Variants in CCNL1 observed in about 807,000 individuals in gnomAD.
CCNL1 encodes the protein cyclin L1.
A neutral mutation model predicts 60.6 loss-of-function variants in CCNL1; 13 were observed. The ratio of observed to expected loss-of-function variants is 0.21; its 90% confidence interval spans 0.14 to 0.34. The LOEUF (loss-of-function observed/expected upper bound fraction) is 0.34. Among genes scored for constraint, CCNL1 ranks in the 10% least tolerant of loss-of-function variants. CCNL1 has a pLI of 1.00. For synonymous variants in CCNL1, 270 were observed against 244.3 expected (o/e 1.10, Z -0.98); for missense variants, 481 against 664.3 (o/e 0.72, Z 3.03).
chr3:157,156,947 C>T (rs1017688721), intron 3 of CCNL1: 5 of 1,289,784 alleles, frequency 3.9e-6, no homozygotes, highest in Non-Finnish European at 5.1e-6. Flanking sequence ...TGTTAGTCCC[C>T]GATTCCAGTG....
chr3:157,156,689 T>C (rs1051154936), intron 3 of CCNL1, among the ~76,000 whole-genome samples: 3 of 152,170 alleles, frequency 2.0e-5, no homozygotes, highest in African/African-American at 7.2e-5. Context: ...GAATAATGTA[T>C]CTCCACTGTA....
chr3:157,144,379 A>G (rs1737724277), downstream of CCNL1, among the ~76,000 whole-genome samples: 1 of 152,248 alleles, frequency 6.6e-6, no homozygotes, highest in Admixed American at 6.5e-5. Context: ...GTAAAAATAA[A>G]TCCTATTTGC....
downstream of CCNL1, among the ~76,000 whole-genome samples, chr3:157,145,684 C>T (rs1438500408): frequency 6.6e-6 from 1 of 152,070 alleles, no homozygotes; most frequent in Non-Finnish European, 1.5e-5. Flanking sequence ...GTTTTCAGTT[C>T]TAAAATAACA....
At chr3:157,158,757 G>A in intron 3 of CCNL1, 109 bp downstream of exon 3, 1 of 661,272 alleles carries the variant, frequency 1.5e-6, no homozygotes, top group East Asian at 2.8e-5. Context: ...ATTAAAGTCC[G>A]TTTTCTTTTG....
chr3:157,151,029 C>T (rs767558746), intron 5 of CCNL1: 4 of 985,186 alleles, frequency 4.1e-6, no homozygotes, highest in Non-Finnish European at 4.8e-6. Context: ...GAACCCTCCC[C>T]ACAACATTCC....
chr3:157,158,813 G>C (rs1227171086), intron 3 of CCNL1, 53 bp downstream of exon 3: 1 of 1,131,776 alleles, frequency 8.8e-7, no homozygotes, highest in Non-Finnish European at 1.3e-6. Flanking sequence ...TTGATGACTG[G>C]TGCACGGTAC....
chr3:157,157,517 C>G (rs960650003), intron 3 of CCNL1, among the ~76,000 whole-genome samples: 1 of 152,148 alleles, frequency 6.6e-6, no homozygotes, highest in Non-Finnish European at 1.5e-5. Flanking sequence ...AAAGATAGAG[C>G]CTTGTATTAG....
intron 5 of CCNL1, chr3:157,151,228 A>C: frequency 1.0e-6 from 1 of 985,490 alleles, no homozygotes; most frequent in Non-Finnish European, 1.2e-6. Context: ...AGTCCAAAAG[A>C]AGCATGGCAG....
chr3:157,151,932 T>C, intron 5 of CCNL1: 1 of 1,292,482 alleles, frequency 7.7e-7, no homozygotes, highest in Non-Finnish European at 9.9e-7. Context: ...TGGACTACCC[T>C]TTAATTAAAG....
intron 4 of CCNL1, 74 bp downstream of exon 4, chr3:157,152,962 T>C: frequency 6.3e-7 from 1 of 1,575,376 alleles, no homozygotes; most frequent in Non-Finnish European, 8.6e-7. Flanking sequence ...GATAGAAACA[T>C]AAATTCATAT....
chr3:157,150,222 G>A, intron 6 of CCNL1, 53 bp from the exon 7 acceptor site: 1 of 1,608,842 alleles, frequency 6.2e-7, no homozygotes, highest in African/African-American at 1.3e-5. Flanking sequence ...AATCTGTATT[G>A]GAACCACCGA....
chr3:157,156,771 G>A (rs1296790322), intron 3 of CCNL1, among the ~76,000 whole-genome samples: 1 of 152,218 alleles, frequency 6.6e-6, no homozygotes, highest in Non-Finnish European at 1.5e-5. Flanking sequence ...ATTAAGACAA[G>A]TGATATGCTT....
chr3:157,150,022 T>TG (rs1738054853), intron 7 of CCNL1, 43 bp downstream of exon 7: 3 of 1,610,306 alleles, frequency 1.9e-6, no homozygotes, highest in Non-Finnish European at 2.5e-6. Flanking sequence ...TAGAGTAGCT[T>TG]GGACTCTTAG....
chr3:157,151,202 T>G, intron 5 of CCNL1: 1 of 985,294 alleles, frequency 1.0e-6, no homozygotes, highest in Non-Finnish European at 1.2e-6. Flanking sequence ...TTTTCTAACA[T>G]TACAAATATT....
chr3:157,143,608 ATAAAG>A (rs1737704741), downstream of CCNL1, among the ~76,000 whole-genome samples: 1 of 152,248 alleles, frequency 6.6e-6, no homozygotes, highest in African/African-American at 2.4e-5. Flanking sequence ...AGATTAAATG[ATAAAG>A]TAAATTTCAG....
chr3:157,148,117 G>T lies in CCNL1; in HGVS notation c.*124C>A. 1 of 1,450,832 alleles carries T rather than the reference G, an allele frequency of 6.9e-7. No homozygotes were observed. The allele number at this position is 1,450,832 out of a possible 1,614,324, so 89.9% of individuals were successfully genotyped here. On this transcript the variant is annotated 3_prime_UTR_variant, in exon 11 of 11. Coordinates refer to ENST00000295926, the MANE Select transcript of CCNL1 (RefSeq NM_020307.4). Reference sequence around the variant, plus strand: ...AAGAAACTGTCCTCAGTGTTCTAGAGACCTAGAGGGTTTCAAGAAATCAAA... The same window carrying T: ...AAGAAACTGTCCTCAGTGTTCTAGATACCTAGAGGGTTTCAAGAAATCAAA...
At chr3:157,157,001 C>T (rs1245295662) in intron 3 of CCNL1, 2 of 1,289,724 alleles carry the variant, frequency 1.6e-6, no homozygotes, top group East Asian at 5.5e-5. Flanking sequence ...ATTTTCGATA[C>T]TTCACTCACT....
chr3:157,149,040 T>C (rs773156859), intron 10 of CCNL1: 2 of 484,706 alleles, frequency 4.1e-6, no homozygotes, highest in Non-Finnish European at 7.3e-6. Flanking sequence ...AACAATACTA[T>C]GGCCCTCAAG....
chr3:157,143,521 AT>A (rs1328167979), downstream of CCNL1, among the ~76,000 whole-genome samples: 1 of 152,250 alleles, frequency 6.6e-6, no homozygotes, highest in Non-Finnish European at 1.5e-5. Context: ...CACTCATAGG[AT>A]TAGGTGAGGG....
Sources: allele counts gnomAD v4.1 joint callset (sites outside exome capture counted in the v4.1 genomes callset), GRCh38; gene constraint gnomAD v4.1.1; transcripts MANE v1.5; gene names NCBI Gene and HGNC (gene_info 2026-07-23, HGNC 2026-07-21).